ALK: variants seen among roughly 807,000 people sequenced by gnomAD.
ALK encodes ALK receptor tyrosine kinase.
In ALK, 74 loss-of-function variants were observed where a neutral mutation model predicts 163.1. That is an observed-to-expected ratio of 0.45 (90% CI 0.38 to 0.55). ALK has a LOEUF of 0.55. ALK is among the 20% of genes least tolerant of loss of function. The probability of loss-of-function intolerance (pLI) is 0.00; values close to 1 mark genes in which losing one functional copy is unlikely to be tolerated. For missense variants in ALK, 2,063 were observed against 2,105.3 expected (o/e 0.98, Z 0.39); for synonymous variants, 960 against 843.2 (o/e 1.14, Z -2.40).
intron 26 of ALK, among the ~76,000 whole-genome samples, chr2:29,198,856 A>G (rs912338387): frequency 1.4e-4 from 22 of 152,128 alleles, no homozygotes; most frequent in Non-Finnish European, 2.2e-4. Flanking sequence ...TGCTGGGACA[A>G]ATTGGTATCT....
intron 4 of ALK, among the ~76,000 whole-genome samples, chr2:29,430,317 C>CT (rs1670243480): frequency 6.6e-6 from 1 of 152,106 alleles, no homozygotes. Context: ...AGACTTGTAT[C>CT]TAGAATACAT....
At chr2:29,739,280 C>T (rs979513955) in intron 1 of ALK, among the ~76,000 whole-genome samples, 2 of 140,986 alleles carry the variant, frequency 1.4e-5, no homozygotes, top group African/African-American at 2.7e-5. Context: ...GAACATAGGC[C>T]AGGTGCCAGT....
intron 1 of ALK, among the ~76,000 whole-genome samples, chr2:29,753,672 C>T (rs189986371): frequency 6.6e-6 from 1 of 152,196 alleles, no homozygotes; most frequent in Non-Finnish European, 1.5e-5. Context: ...GCTACCTGCT[C>T]TAAGGTCCAA....
At chr2:29,618,833 G>A (rs1675935883) in intron 3 of ALK, among the ~76,000 whole-genome samples, 1 of 152,102 alleles carries the variant, frequency 6.6e-6, no homozygotes, top group Non-Finnish European at 1.5e-5. Context: ...ACAAAAATTA[G>A]CTGGGGGTGG....
intron 1 of ALK, among the ~76,000 whole-genome samples, chr2:29,855,933 T>G (rs115893899): frequency 6.6e-6 from 1 of 152,374 alleles, no homozygotes; most frequent in African/African-American, 2.4e-5. Context: ...CTTTAATGTG[T>G]GACCTCATTA....
intron 3 of ALK, among the ~76,000 whole-genome samples, chr2:29,589,897 GAAAGT>G (rs1674998492): frequency 6.6e-6 from 1 of 152,312 alleles, no homozygotes; most frequent in South Asian, 2.1e-4. Flanking sequence ...TGGCAGAAAG[GAAAGT>G]AAACAGTGAA....
chr2:29,649,900 TC>T (rs1239919592), intron 3 of ALK, among the ~76,000 whole-genome samples: 1 of 152,168 alleles, frequency 6.6e-6, no homozygotes, highest in Admixed American at 6.5e-5. Flanking sequence ...AACCCTAATA[TC>T]TTTTCATGAA....
chr2:29,231,048 T>C (rs983727068), intron 15 of ALK, among the ~76,000 whole-genome samples: 5 of 152,072 alleles, frequency 3.3e-5, no homozygotes, highest in African/African-American at 1.2e-4. Context: ...AAAATACGAA[T>C]TGAGTCTGGC....
chr2:29,266,479 C>CAT (rs1297596819), intron 11 of ALK, among the ~76,000 whole-genome samples: 1 of 152,166 alleles, frequency 6.6e-6, no homozygotes, highest in African/African-American at 2.4e-5. Flanking sequence ...TTTTTGCTTA[C>CAT]ATATATATTT....
At chr2:29,654,906 T>C (rs1677140593) in intron 3 of ALK, among the ~76,000 whole-genome samples, 1 of 152,104 alleles carries the variant, frequency 6.6e-6, no homozygotes, top group African/African-American at 2.4e-5. Context: ...AAAGCCCTCA[T>C]CAATTACTTT....
At chr2:29,866,593 T>C (rs1666439411) in intron 1 of ALK, among the ~76,000 whole-genome samples, 1 of 152,204 alleles carries the variant, frequency 6.6e-6, no homozygotes, top group Non-Finnish European at 1.5e-5. Flanking sequence ...TTACAGGCTA[T>C]ACTTAGGAGC....
At chr2:29,489,308 T>C (rs1671847915) in intron 4 of ALK, among the ~76,000 whole-genome samples, 1 of 152,188 alleles carries the variant, frequency 6.6e-6, no homozygotes, top group South Asian at 2.1e-4. Context: ...ACATTATTAT[T>C]ATTACCATTA....
intron 3 of ALK, among the ~76,000 whole-genome samples, chr2:29,551,607 G>T (rs1673715040): frequency 6.6e-6 from 1 of 152,084 alleles, no homozygotes; most frequent in Non-Finnish European, 1.5e-5. Flanking sequence ...TAACCACCAT[G>T]CTGTATAAAC....
intron 1 of ALK, among the ~76,000 whole-genome samples, chr2:29,754,943 G>T (rs7580440): frequency 0.043 from 6,553 of 152,176 alleles, 210 homozygotes; most frequent in African/African-American, 0.081. Context: ...GGAGATGCCG[G>T]ACGCCAGCAT....
intron 3 of ALK, among the ~76,000 whole-genome samples, chr2:29,622,496 C>G (rs1032954432): frequency 1.3e-5 from 2 of 152,216 alleles, no homozygotes; most frequent in African/African-American, 4.8e-5. Context: ...CCATGATTCA[C>G]TTACCTCCCT....
intron 4 of ALK, among the ~76,000 whole-genome samples, chr2:29,409,375 G>T (rs1247507552): frequency 6.6e-6 from 1 of 152,122 alleles, no homozygotes; most frequent in African/African-American, 2.4e-5. Context: ...TCTCAGTGCT[G>T]CTTTCTGTGG....
intron 1 of ALK, among the ~76,000 whole-genome samples, chr2:29,756,553 G>C (rs1041745782): frequency 7.5e-6 from 1 of 134,074 alleles, no homozygotes; most frequent in African/African-American, 2.8e-5. Flanking sequence ...TTTTGAGACA[G>C]AGTCTCACTC....
intron 8 of ALK, among the ~76,000 whole-genome samples, chr2:29,305,267 T>C (rs929080063): frequency 6.6e-6 from 1 of 152,184 alleles, no homozygotes; most frequent in Non-Finnish European, 1.5e-5. Context: ...CTTGGGGCTG[T>C]TACATCGCCT....
chr2:29,247,155 C>T lies in ALK; in HGVS notation c.2204+3950G>A, dbSNP rs559141693. Among the ~76,000 whole-genome samples the T allele has an allele frequency of 1.0e-4, 15 of 150,110 alleles. No individual in the cohort carries two copies. In the South Asian group the frequency reaches 1.7e-3, roughly 17 times the overall value. On this transcript the variant is annotated intron_variant, in intron 12 of 28. Transcript: ENST00000389048. ...CGGCAGCGCCTTTTACCCCGGCCTC[C>T]GCGGCAGCGCCTTTCCCCCGGCCTC...
Sources: allele counts gnomAD v4.1 joint callset (sites outside exome capture counted in the v4.1 genomes callset), GRCh38; gene constraint gnomAD v4.1.1; transcripts MANE v1.5; gene names NCBI Gene and HGNC (gene_info 2026-07-23, HGNC 2026-07-21).